DGKB: variants seen among roughly 807,000 people sequenced by gnomAD.
DGKB encodes diacylglycerol kinase beta.
Under a neutral mutation model 114.3 loss-of-function variants are expected in DGKB, and 67 were observed. That is an observed-to-expected ratio of 0.59 (90% CI 0.48 to 0.72). DGKB has a LOEUF of 0.72. DGKB is among the 30% of genes least tolerant of loss of function. The pLI, the probability that DGKB is intolerant of heterozygous loss-of-function variation, is 0.00. For synonymous variants in DGKB, 398 were observed against 323.1 expected, an observed-to-expected ratio of 1.23 and a Z score of -2.49; for missense variants, 907 against 975.2, an observed-to-expected ratio of 0.93 and a Z score of 0.93.
At chr7:14,567,458 A>T (rs1226617064) in intron 20 of DGKB, among the ~76,000 whole-genome samples, 72 of 70,674 alleles carry the variant, frequency 1.0e-3, no homozygotes, top group Non-Finnish European at 1.6e-3. Flanking sequence ...ATTATATATA[A>T]TTATATATTT....
At chr7:14,527,405 A>G (rs770605645) in intron 20 of DGKB, among the ~76,000 whole-genome samples, 1 of 152,236 alleles carries the variant, frequency 6.6e-6, no homozygotes, top group South Asian at 2.1e-4. Context: ...TGGTAGCTCT[A>G]TCAAAAGCTG....
chr7:14,337,002 A>C (rs1028797438), intron 23 of DGKB, among the ~76,000 whole-genome samples: 3 of 152,194 alleles, frequency 2.0e-5, no homozygotes, highest in African/African-American at 7.2e-5. Context: ...TTTAGTGAAA[A>C]TATTTTTAAG....
At chr7:14,426,841 G>C (rs1827639011) in intron 21 of DGKB, among the ~76,000 whole-genome samples, 1 of 151,974 alleles carries the variant, frequency 6.6e-6, no homozygotes, top group African/African-American at 2.4e-5. Context: ...GATCACTTGA[G>C]GTCAGGGGTT....
chr7:14,558,755 A>C (rs1215112317), intron 20 of DGKB, among the ~76,000 whole-genome samples: 1 of 152,168 alleles, frequency 6.6e-6, no homozygotes, highest in Non-Finnish European at 1.5e-5. Context: ...TGGCTGTTGG[A>C]GACCAGAACA....
chr7:14,944,759 A>C (rs888701184), intron 1 of DGKB, among the ~76,000 whole-genome samples: 2 of 151,548 alleles, frequency 1.3e-5, no homozygotes, highest in African/African-American at 4.8e-5. Flanking sequence ...TACAGGACAG[A>C]CCCCCACAAT....
chr7:14,853,714 A>AC (rs1849707615), intron 1 of DGKB, among the ~76,000 whole-genome samples: 4 of 151,310 alleles, frequency 2.6e-5, no homozygotes, highest in South Asian at 2.1e-4. Context: ...AACAACAACA[A>AC]AAAATTAGCC....
At chr7:14,161,796 C>A (rs1783935164) in intron 25 of DGKB, among the ~76,000 whole-genome samples, 1 of 151,928 alleles carries the variant, frequency 6.6e-6, no homozygotes, top group Middle Eastern at 3.4e-3. Flanking sequence ...GCACATGGAT[C>A]CTGGAACTTA....
At chr7:14,483,643 G>A (rs138653689) in intron 20 of DGKB, among the ~76,000 whole-genome samples, 167 of 152,204 alleles carry the variant, frequency 1.1e-3, no homozygotes, top group African/African-American at 3.9e-3. Context: ...GATGGTAAAG[G>A]TTTTTGAAAA....
chr7:14,597,499 G>A (rs1038641902), intron 17 of DGKB, among the ~76,000 whole-genome samples: 8 of 152,040 alleles, frequency 5.3e-5, no homozygotes, highest in African/African-American at 1.9e-4. Context: ...CTGCTTTTCG[G>A]AGTGTGTTTA....
chr7:14,318,590 C>G (rs1391909611), intron 23 of DGKB, among the ~76,000 whole-genome samples: 1 of 152,054 alleles, frequency 6.6e-6, no homozygotes, highest in South Asian at 2.1e-4. Context: ...CAATGAGATA[C>G]CATCTCACAC....
chr7:14,455,470 T>C (rs1405073978), intron 21 of DGKB, among the ~76,000 whole-genome samples: 1 of 152,084 alleles, frequency 6.6e-6, no homozygotes, highest in African/African-American at 2.4e-5. Flanking sequence ...ACATTATTTA[T>C]GCCATTATTC....
chr7:14,359,956 AT>A (rs1815369051), intron 21 of DGKB, among the ~76,000 whole-genome samples: 1 of 152,136 alleles, frequency 6.6e-6, no homozygotes, highest in Non-Finnish European at 1.5e-5. Flanking sequence ...CAGCGATCCC[AT>A]TACTAGATAT....
chr7:14,585,405 G>A (rs373739958), intron 17 of DGKB, among the ~76,000 whole-genome samples: 26 of 152,142 alleles, frequency 1.7e-4, no homozygotes, highest in Middle Eastern at 3.4e-3. Flanking sequence ...GAGTTACCAC[G>A]TGTCTGACAT....
intron 21 of DGKB, among the ~76,000 whole-genome samples, chr7:14,381,066 T>C (rs1019872500): frequency 1.3e-5 from 2 of 152,198 alleles, no homozygotes; most frequent in African/African-American, 4.8e-5. Flanking sequence ...GATGGAGCTG[T>C]GGGCGGGAAA....
At chr7:14,860,878 C>T (rs1230828075) in intron 1 of DGKB, among the ~76,000 whole-genome samples, 1 of 151,740 alleles carries the variant, frequency 6.6e-6, no homozygotes, top group African/African-American at 2.4e-5. Context: ...GTGACATTTT[C>T]TTAGGAAAAT....
At chr7:14,781,723 C>T (rs912008444) in intron 2 of DGKB, among the ~76,000 whole-genome samples, 2 of 152,094 alleles carry the variant, frequency 1.3e-5, no homozygotes, top group Non-Finnish European at 2.9e-5. Context: ...TTTTTACGCA[C>T]CATTCTTATA....
At chr7:14,503,420 C>T (rs77133914) in intron 20 of DGKB, among the ~76,000 whole-genome samples, 1,774 of 152,206 alleles carry the variant, frequency 0.012, 38 homozygotes, top group African/African-American at 0.038. Flanking sequence ...GCATGAATTA[C>T]TTCTATTACC....
At chr7:14,808,167 CTT>C (rs1383351543) in intron 2 of DGKB, among the ~76,000 whole-genome samples, 1 of 151,958 alleles carries the variant, frequency 6.6e-6, no homozygotes, top group Non-Finnish European at 1.5e-5. Context: ...ACTAACAAGT[CTT>C]TTGTAAGTGA....
At chr7:14,189,180 G>A (rs1160200800) in intron 23 of DGKB, among the ~76,000 whole-genome samples, 1 of 152,090 alleles carries the variant, frequency 6.6e-6, no homozygotes, top group African/African-American at 2.4e-5. Context: ...TAGTATGAAC[G>A]TTTAATGTCA....
Sources: gnomAD v4.1 joint callset for allele counts (sites outside exome capture counted in the v4.1 genomes callset) on GRCh38, gnomAD v4.1.1 for gene constraint, MANE v1.5 for transcripts, NCBI Gene and HGNC (gene_info 2026-07-23, HGNC 2026-07-21) for gene names.